Variants in CYP4F22 observed in about 807,000 individuals in gnomAD.
CYP4F22 encodes cytochrome P450 family 4 subfamily F member 22.
In CYP4F22, 37 loss-of-function variants were observed where a neutral mutation model predicts 60.4. That is an observed-to-expected ratio of 0.61 (90% CI 0.47 to 0.81). The LOEUF (loss-of-function observed/expected upper bound fraction) is 0.81, where lower values mean the gene tolerates loss of function less well. Ranked by LOEUF, CYP4F22 falls within the 30% of genes least tolerant of loss-of-function variation. The pLI, the probability that CYP4F22 is intolerant of heterozygous loss-of-function variation, is 0.00. For missense variants in CYP4F22, 655 were observed against 715.0 expected, an observed-to-expected ratio of 0.92 and a Z score of 0.96; for synonymous variants, 258 against 280.5, an observed-to-expected ratio of 0.92 and a Z score of 0.80.
In CYP4F22 at chr19:15,537,349, T is replaced by G; in HGVS notation, c.368-12T>G. 1 of 1,614,102 alleles carries G rather than the reference T, an allele frequency of 6.2e-7. No homozygotes were observed. The highest frequency in any genetic ancestry group is 1.3e-5 in the African/African-American group (1 of 75,038). On this transcript the variant is annotated splice_polypyrimidine_tract_variant and intron_variant, in intron 4 of 13. Coordinates refer to ENST00000269703, the MANE Select transcript of CYP4F22 (RefSeq NM_173483.4). ...CTGTTTTGAGTCACCATTTTCCCTT[T>G]GCCCTCCACAGCTGCCATCGCCCCC...
At chr19:15,544,376 C>G (rs1050722957) in intron 10 of CYP4F22, 97 bp downstream of exon 10, 15 of 1,442,176 alleles carry the variant, frequency 1.0e-5, no homozygotes. Flanking sequence ...TGACCTCAGA[C>G]AAGCCACTTT....
rs1971597025 is a variant in CYP4F22 at position 15,551,516 on chromosome 19, C to T, written c.*45C>T. 1.9e-6 allele frequency: 3 copies of T among 1,538,598 alleles called. No individual in the cohort carries two copies. The highest frequency in any genetic ancestry group is 4.9e-5 in the East Asian group (2 of 40,768). ...GCTCCCGAGGGTCCAGGCCCCGCCC[C>T]CAAAGGACCAGGACTCGCCCCAAAG... On this transcript the variant is annotated 3_prime_UTR_variant, in exon 14 of 14. Coordinates refer to ENST00000269703, the MANE Select transcript of CYP4F22 (RefSeq NM_173483.4).
chr19:15,521,113 TG>T (rs1250048009), intron 1 of CYP4F22, among the ~76,000 whole-genome samples: 3 of 152,138 alleles, frequency 2.0e-5, no homozygotes, highest in Admixed American at 6.6e-5. Flanking sequence ...GGTTCAACCC[TG>T]GTGTAGCATG....
chr19:15,549,820 T>G (rs1310484945), intron 12 of CYP4F22, among the ~76,000 whole-genome samples: 2 of 151,412 alleles, frequency 1.3e-5, no homozygotes, highest in East Asian at 3.9e-4. Flanking sequence ...AAAAAAAAGT[T>G]AGCCAGCCAT....
chr19:15,537,233 G>A (rs745639029), intron 4 of CYP4F22, 128 bp from the exon 5 acceptor site: 195 of 1,225,068 alleles, frequency 1.6e-4, no homozygotes, highest in Admixed American at 2.2e-4. Flanking sequence ...CCTGGGAGGC[G>A]GAGGTTGCAG....
At chr19:15,512,989 C>CTT (rs1409037389) in intron 1 of CYP4F22, among the ~76,000 whole-genome samples, 1 of 104,398 alleles carries the variant, frequency 9.6e-6, no homozygotes, top group Non-Finnish European at 2.1e-5. Context: ...GTCCTCAAAG[C>CTT]TTTTCTCTCT....
Position 15,525,387 on chromosome 19 carries a change from G to C in CYP4F22, c.51G>C (p.Thr17=), listed in dbSNP as rs147808045. 4 of 1,613,974 alleles carry C rather than the reference G, an allele frequency of 2.5e-6. No homozygotes were observed. The highest frequency in any genetic ancestry group is 2.2e-5 in the East Asian group (1 of 44,892). ...TGCACCTCCTGGGGCTGGAGAAGAC[G>C]GCGTTCCGCATATACGCGGTGTCCA... is the stretch of plus-strand genomic sequence containing the variant. ...RLLHLLGLEK[T]AFRIYAVSTL... is the part of the protein sequence containing the mutation. The change falls in exon 3 of 14, where the codon ACG becomes ACC. Residue 17 remains threonine (T), a synonymous_variant. Transcript: ENST00000269703.
chr19:15,535,597 C>G (rs1339559830), intron 4 of CYP4F22, among the ~76,000 whole-genome samples: 1 of 152,080 alleles, frequency 6.6e-6, no homozygotes, highest in Non-Finnish European at 1.5e-5. Flanking sequence ...CATCCACCTT[C>G]CACCTATCCA....
At chr19:15,547,745 C>T (rs1320483028) in intron 10 of CYP4F22, among the ~76,000 whole-genome samples, 1 of 151,628 alleles carries the variant, frequency 6.6e-6, no homozygotes, top group East Asian at 1.9e-4. Context: ...ATTGCTTGAA[C>T]CTGCAAGGCT....
At chr19:15,520,303 G>A (rs1275973063) in intron 1 of CYP4F22, among the ~76,000 whole-genome samples, 2 of 141,164 alleles carry the variant, frequency 1.4e-5, no homozygotes, top group African/African-American at 2.7e-5. Flanking sequence ...CTGAGATCGC[G>A]CCACTGTACT....
At chr19:15,540,773 T>C (rs1971453076) in intron 8 of CYP4F22, 56 bp downstream of exon 8, 2 of 736,582 alleles carry the variant, frequency 2.7e-6, no homozygotes, top group South Asian at 3.7e-5. Context: ...TCCCGAGGAA[T>C]TGCATGTAAA....
intron 7 of CYP4F22, among the ~76,000 whole-genome samples, chr19:15,538,603 G>A (rs1971425985): frequency 6.6e-6 from 1 of 152,208 alleles, no homozygotes; most frequent in African/African-American, 2.4e-5. Context: ...GTTCTGTGAA[G>A]TTTATAGTCT....
chr19:15,533,772 T>A (rs1971368326), intron 4 of CYP4F22, among the ~76,000 whole-genome samples: 1 of 151,924 alleles, frequency 6.6e-6, no homozygotes, highest in Non-Finnish European at 1.5e-5. Flanking sequence ...AGCTAATTTT[T>A]ATTTTTATTT....
In CYP4F22 at chr19:15,537,349, T is replaced by C. The variant is rs752510868; in HGVS notation, c.368-12T>C. On this transcript the variant is annotated splice_polypyrimidine_tract_variant and intron_variant, in intron 4 of 13. Coordinates refer to ENST00000269703, the MANE Select transcript of CYP4F22 (RefSeq NM_173483.4). ...CTGTTTTGAGTCACCATTTTCCCTTTGCCCTCCACAGCTGCCATCGCCCCC... is the reference window on the plus strand; with the variant it reads ...CTGTTTTGAGTCACCATTTTCCCTTCGCCCTCCACAGCTGCCATCGCCCCC... 1 of 1,614,102 alleles carries C rather than the reference T, an allele frequency of 6.2e-7. No individual in the cohort carries two copies. The highest frequency in any genetic ancestry group is 1.7e-5 in the Admixed American group (1 of 60,020).
chr19:15,515,463 G>A (rs1486371943), intron 1 of CYP4F22: 17 of 834,828 alleles, frequency 2.0e-5, no homozygotes, highest in South Asian at 3.9e-5. Flanking sequence ...GGTGGCTCAC[G>A]CTTGCAATCC....
At chr19:15,549,275 G>A (rs1971568062) in intron 12 of CYP4F22, 73 bp downstream of exon 12, 14 of 1,543,182 alleles carry the variant, frequency 9.1e-6, no homozygotes, top group Non-Finnish European at 1.3e-5. Context: ...CAGCGAGCAG[G>A]GCTGGTTGCA....
chr19:15,524,746 G>T (rs1971262433), intron 2 of CYP4F22, among the ~76,000 whole-genome samples: 1 of 152,158 alleles, frequency 6.6e-6, no homozygotes, highest in Non-Finnish European at 1.5e-5. Context: ...GGAGGTGGTA[G>T]TTGCATTATA....
At position 15,540,475 on chromosome 19, in the gene CYP4F22, A is replaced by C. The variant is rs1568361250; in HGVS notation, c.697A>C (p.Ile233Leu). 1.2e-6 allele frequency: 2 copies of C among 1,614,056 alleles called. No homozygotes were observed. Among genetic ancestry groups the C allele is most frequent in the African/African-American group, 1.3e-5 (1 of 74,924 alleles). Reference protein sequence around the residue: ...QEKMSDYISAIIELSALSVRR... With the variant: ...QEKMSDYISALIELSALSVRR... ...GAAGATGAGTGATTATATCTCCGCT[A>C]TCATTGAACTGAGCGCTCTGTCTGT... is the stretch of plus-strand genomic sequence containing the variant. The change falls in exon 8 of 14, where the codon ATC becomes CTC. Residue 233 changes from isoleucine (I) to leucine (L), a missense_variant. By Grantham distance (5) the Ile-to-Leu change is conservative. This residue lies in a region of CYP4F22 where 430 missense variants were observed against 457.1 expected (regional missense o/e 0.94). Coordinates refer to ENST00000269703, the MANE Select transcript of CYP4F22 (RefSeq NM_173483.4).
At chr19:15,547,787 G>A (rs2144544738) in intron 10 of CYP4F22, among the ~76,000 whole-genome samples, 1 of 150,920 alleles carries the variant, frequency 6.6e-6, no homozygotes, top group Admixed American at 6.6e-5. Context: ...GCGCCACTAT[G>A]TTCTAGCCTG....
Sources: gnomAD v4.1 joint callset for allele counts (sites outside exome capture counted in the v4.1 genomes callset) on GRCh38, gnomAD v4.1.1 for gene constraint, gnomAD v4.1.1 regional missense constraint, MANE v1.5 for transcripts, NCBI Gene and HGNC (gene_info 2026-07-23, HGNC 2026-07-21) for gene names.